The following CLCA4 variants were observed in gnomAD, a reference collection of about 807,000 sequenced individuals.
CLCA4 encodes chloride channel accessory 4, also known as calcium-activated chloride channel regulator 4.
In CLCA4, 69 loss-of-function variants were observed where a neutral mutation model predicts 78.9. That is an observed-to-expected ratio of 0.87 (90% CI 0.72 to 1.07). CLCA4 has a LOEUF of 1.07. Ranked by LOEUF, CLCA4 falls within the 50% of genes least tolerant of loss-of-function variation. CLCA4 has a pLI of 0.00. For missense variants in CLCA4, 1,133 were observed against 1,095.8 expected (o/e 1.03, Z -0.48); for synonymous variants, 362 against 375.8 (o/e 0.96, Z 0.42).
chr1:86,553,041 G>A (rs1649713103), intron 1 of CLCA4: 1 of 641,178 alleles, frequency 1.6e-6, no homozygotes, highest in Non-Finnish European at 2.8e-6. Context: ...CCCACGCCGC[G>A]CGGCACAGAA....
At chr1:86,549,212 C>T (rs1423941295) in intron 1 of CLCA4, among the ~76,000 whole-genome samples, 1 of 152,042 alleles carries the variant, frequency 6.6e-6, no homozygotes, top group East Asian at 1.9e-4. Flanking sequence ...GGGAAGGCCT[C>T]ACTGATGATG....
intron 8 of CLCA4, among the ~76,000 whole-genome samples, chr1:86,572,311 A>C (rs1387398016): frequency 6.6e-6 from 1 of 152,058 alleles, no homozygotes; most frequent in Non-Finnish European, 1.5e-5. Flanking sequence ...GTTTCTCTAA[A>C]AGGGCTGTGT....
Position 86,560,336 on chromosome 1 carries a change from A to G in CLCA4, c.426A>G (p.Lys142=). 2 of 1,613,814 alleles carry G rather than the reference A, an allele frequency of 1.2e-6. No homozygotes were observed. Among genetic ancestry groups the G allele is most frequent in the South Asian group, 2.2e-5 (2 of 91,014 alleles). Residue 142 remains lysine (K), a synonymous_variant, in exon 3 of 14, where the codon AAA becomes AAG. Transcript: ENST00000370563. ...CCCCTGACCTTCTACTTGGAAAAAA[A>G]CAAAATGAATATGGACCACCAGGTA... The part of the protein sequence containing the change: ...HFTPDLLLGK[K]QNEYGPPGKL...
chr1:86,561,769 T>C (rs1403431435), intron 3 of CLCA4, among the ~76,000 whole-genome samples: 1 of 152,188 alleles, frequency 6.6e-6, no homozygotes, highest in Non-Finnish European at 1.5e-5. Context: ...ATATCAGTTA[T>C]TGATTTTTCC....
intron 1 of CLCA4, chr1:86,553,172 G>C (rs577729089): frequency 1.8e-6 from 2 of 1,113,692 alleles, no homozygotes; most frequent in Non-Finnish European, 2.7e-6. Context: ...GGATTGAGCG[G>C]CACAGGTTGG....
Position 86,575,447 on chromosome 1 carries a change from T to C in CLCA4, c.1799T>C (p.Met600Thr). Residue 600 changes from methionine (M) to threonine (T), a missense_variant, in exon 11 of 14, where the codon ATG (methionine) becomes ACG (threonine). Transcript: ENST00000370563. ...SVPPITVNAKMNKDVNSFPSP... is the reference protein window; with the variant it reads ...SVPPITVNAKTNKDVNSFPSP... ...CCTCCAATCACAGTGAATGCTAAAA[T>C]GAATAAGGACGTAAACAGTTTCCCC... The C allele has an allele frequency of 1.2e-6, 2 of 1,613,542 alleles. No individual in the cohort carries two copies. The highest frequency in any genetic ancestry group is 1.3e-5 in the African/African-American group (1 of 74,964).
chr1:86,572,774 C>G (rs1650393421), intron 9 of CLCA4, 54 bp downstream of exon 9: 1 of 1,023,734 alleles, frequency 9.8e-7, no homozygotes. Flanking sequence ...CAAGAAAAAA[C>G]CATTTGGTGG....
intron 7 of CLCA4, among the ~76,000 whole-genome samples, chr1:86,568,120 G>A (rs1257297893): frequency 1.3e-5 from 2 of 151,782 alleles, no homozygotes; most frequent in Non-Finnish European, 2.9e-5. Context: ...GTCATATTTA[G>A]GGTAAGCCAT....
rs1306658670 is a variant in CLCA4, at chr1:86,571,367, C to A, written c.1360+113C>A. The stretch of plus-strand genomic sequence containing the variant: ...CCTTGGAGGCACTGAAGCTGGGGAC[C>A]AGACCCAATCTCTGTTCTCGTGGCA... On this transcript the variant is annotated intron_variant, in intron 8 of 13. Coordinates refer to ENST00000370563, the MANE Select transcript of CLCA4 (RefSeq NM_012128.4). 5.1e-6 allele frequency: 5 copies of A among 972,692 alleles called. 1 individual carries two copies. The highest frequency in any genetic ancestry group is 4.9e-5 in the African/African-American group (3 of 61,276). The allele number at this position is 972,692 out of a possible 1,614,324, so 60.3% of individuals were successfully genotyped here. A position where few individuals can be genotyped will look rare whatever the true frequency, so the allele number is the denominator to read the frequency against.
intron 13 of CLCA4, 147 bp downstream of exon 13, chr1:86,579,734 CA>C (rs747700329): frequency 6.3e-5 from 46 of 727,986 alleles, no homozygotes; most frequent in East Asian, 4.6e-4. Context: ...TTTAATCAAT[CA>C]AATGACACAT....
In CLCA4 at chr1:86,560,032, A is replaced by G; in HGVS notation, c.260A>G (p.Asn87Ser). 1.2e-6 allele frequency: 2 copies of G among 1,608,950 alleles called. No individual in the cohort carries two copies. The highest frequency in any genetic ancestry group is 1.7e-6 in the Non-Finnish European group (2 of 1,178,288). The change falls in exon 2 of 14, where the codon AAT (asparagine) becomes AGT (serine). Residue 87 changes from asparagine (N) to serine (S), a missense_variant. Physicochemically the swap from Asn to Ser is conservative, Grantham distance 46 (BLOSUM62 1). Coordinates refer to ENST00000370563, the MANE Select transcript of CLCA4 (RefSeq NM_012128.4). Reference protein sequence around the residue: ...SILIPENWKENPQYKRPKHEN... With the variant: ...SILIPENWKESPQYKRPKHEN... The stretch of plus-strand genomic sequence containing the variant: ...TTAATTCCTGAGAATTGGAAGGAAA[A>G]TCCTCAGTACAAAAGGCCAAAACAT...
chr1:86,554,293 C>T (rs1041455598), intron 1 of CLCA4, among the ~76,000 whole-genome samples: 1 of 152,188 alleles, frequency 6.6e-6, no homozygotes, highest in Admixed American at 6.5e-5. Flanking sequence ...TAGCCTACAG[C>T]TCCACCCATG....
intron 8 of CLCA4, among the ~76,000 whole-genome samples, chr1:86,572,154 A>G (rs1018000986): frequency 4.0e-5 from 6 of 151,844 alleles, no homozygotes; most frequent in African/African-American, 9.7e-5. Context: ...CATCTTTCTA[A>G]TTTTCTGATT....
chr1:86,553,126 A>G (rs1490500058), intron 1 of CLCA4: 1 of 808,032 alleles, frequency 1.2e-6, no homozygotes, highest in East Asian at 2.4e-5. Flanking sequence ...ATCCTGCGTC[A>G]TCTCCTCTTG....
At chr1:86,547,741 AT>A (rs563249339) in intron 1 of CLCA4, among the ~76,000 whole-genome samples, 7 of 152,220 alleles carry the variant, frequency 4.6e-5, no homozygotes, top group Non-Finnish European at 1.0e-4. Context: ...TGCCTGGCTT[AT>A]TTCATTTAAC....
intron 3 of CLCA4, among the ~76,000 whole-genome samples, chr1:86,561,221 G>A (rs1419788979): frequency 1.3e-5 from 2 of 152,080 alleles, no homozygotes; most frequent in African/African-American, 2.4e-5. Context: ...TCCTGACCAC[G>A]TTTGTTTTCC....
Position 86,567,563 on chromosome 1 carries a change from GTGA to G in CLCA4, c.1098_1100del (p.Asp366del). ...AATAAGCTAATCCAAATAAAAAGCA[GTGA>G]TGAAAGAAACACACTCATGGCAGGA... is the stretch of plus-strand genomic sequence containing the variant. On this transcript the variant is annotated inframe_deletion, in exon 7 of 14. Coordinates refer to ENST00000370563, the MANE Select transcript of CLCA4 (RefSeq NM_012128.4). 1 of 1,613,322 alleles carries G rather than the reference GTGA, an allele frequency of 6.2e-7. No individual in the cohort carries two copies. Among genetic ancestry groups the G allele is most frequent in the Non-Finnish European group, 8.5e-7 (1 of 1,179,470 alleles).
intron 11 of CLCA4, 121 bp from the exon 12 acceptor site, chr1:86,577,781 A>C: frequency 1.4e-6 from 1 of 710,902 alleles, no homozygotes; most frequent in Non-Finnish European, 2.3e-6. Flanking sequence ...ATATTCTCCA[A>C]AGGGTCAATC....
chr1:86,550,780 C>T (rs1558177546), intron 1 of CLCA4, among the ~76,000 whole-genome samples: 2 of 150,812 alleles, frequency 1.3e-5, no homozygotes, highest in East Asian at 3.9e-4. Flanking sequence ...AAAAAAGTGC[C>T]TTTCATCCTT....
Sources: allele counts gnomAD v4.1 joint callset (sites outside exome capture counted in the v4.1 genomes callset), GRCh38; gene constraint gnomAD v4.1.1; transcripts MANE v1.5; gene names NCBI Gene and HGNC (gene_info 2026-07-23, HGNC 2026-07-21).